CTH: variants seen among roughly 807,000 people sequenced by gnomAD.
CTH encodes the protein cystathionase (cystathionine gamma-lyase).
In CTH, 41 loss-of-function variants were observed where a neutral mutation model predicts 50.6. The ratio of observed to expected loss-of-function variants is 0.81; its 90% CI spans 0.63 to 1.05. The LOEUF (loss-of-function observed/expected upper bound fraction) is 1.05, where lower values mean the gene tolerates loss of function less well. CTH is among the 50% of genes least tolerant of loss of function. The pLI, the probability that CTH is intolerant of heterozygous loss-of-function variation, is 0.00. For missense variants in CTH, 470 were observed against 492.6 expected (o/e 0.95, Z 0.43); for synonymous variants, 156 against 168.9 (o/e 0.92, Z 0.59).
Position 70,411,312 on chromosome 1 carries a change from C to A in CTH, c.-104C>A. 1.7e-6 allele frequency: 2 copies of A among 1,187,824 alleles called. No individual in the cohort carries two copies. Among genetic ancestry groups the A allele is most frequent in the Non-Finnish European group, 2.5e-6 (2 of 791,568 alleles). The allele number at this position is 1,187,824 out of a possible 1,614,324, so 73.6% of individuals were successfully genotyped here. A position where few individuals can be genotyped will look rare whatever the true frequency, so the allele number is the denominator to read the frequency against. On this transcript the variant is annotated 5_prime_UTR_variant, in exon 1 of 12. Coordinates refer to ENST00000370938, the MANE Select transcript of CTH (RefSeq NM_001902.6). ...CGTCGGCTCTACCTGCGTGCTTTAG[C>A]TCCTTCTCGCCTGATCCTTCTGTCT...
Position 70,424,366 on chromosome 1 carries a change from G to A in CTH, c.538G>A (p.Gly180Arg), listed in dbSNP as rs1193481261. 6.2e-7 allele frequency: 1 copy of A among 1,614,082 alleles called. No individual in the cohort carries two copies. The highest frequency in any genetic ancestry group is 2.2e-5 in the East Asian group (1 of 44,866). The change falls in exon 5 of 12, where the codon GGA (glycine) becomes AGA (arginine). Residue 180 changes from glycine to arginine, a missense_variant. Transcript: ENST00000370938. ...CTGTGCACATATTGTCCATAAGCAT[G>A]GAGACATTATTTTGGTCGTGGATAA... ...EGCAHIVHKH[G>R]DIILVVDNTF...
intron 10 of CTH, among the ~76,000 whole-genome samples, chr1:70,437,219 A>G (rs962154671): frequency 2.0e-5 from 3 of 152,162 alleles, no homozygotes; most frequent in African/African-American, 7.2e-5. Context: ...GAACATGGGG[A>G]AAAAAATCCC....
In CTH at chr1:70,433,947, A is replaced by C; in HGVS notation, c.997A>C (p.Lys333Gln). 6.2e-7 allele frequency: 1 copy of C among 1,613,814 alleles called. No homozygotes were observed. Among genetic ancestry groups the C allele is most frequent in the South Asian group, 1.1e-5 (1 of 91,072 alleles). ...TGCTGAGATTTTCCTCAAGAACCTA[A>C]AGGTAAACTTACAAAATAGGTTTAA... is the stretch of plus-strand genomic sequence containing the variant. ...QHAEIFLKNL[K>Q]LFTLAESLGG... Residue 333 changes from lysine (K) to glutamine (Q), a missense_variant and splice_region_variant, in exon 9 of 12, where the codon AAG becomes CAG. Coordinates refer to ENST00000370938, the MANE Select transcript of CTH (RefSeq NM_001902.6).
chr1:70,432,197 T>C lies in CTH; in HGVS notation c.839T>C (p.Leu280Pro). ...AACGGAATGGCAGTTGCCCAGTTCCTGGAATCTAATCCTTGGGTAGAAAAG... is the reference window on the plus strand; with the variant it reads ...AACGGAATGGCAGTTGCCCAGTTCCCGGAATCTAATCCTTGGGTAGAAAAG... ...FKNGMAVAQF[L>P]ESNPWVEKVI... The change falls in exon 8 of 12, where the codon CTG (leucine) becomes CCG (proline). Residue 280 changes from leucine (L) to proline (P), a missense_variant. Physicochemically the swap from Leu to Pro is moderately conservative, Grantham distance 98 (BLOSUM62 -3). Coordinates refer to ENST00000370938, the MANE Select transcript of CTH (RefSeq NM_001902.6). 1.2e-6 allele frequency: 2 copies of C among 1,614,232 alleles called. No individual in the cohort carries two copies. Among genetic ancestry groups the C allele is most frequent in the Non-Finnish European group, 1.7e-6 (2 of 1,180,032 alleles).
At chr1:70,423,385 C>T (rs554065750) in intron 4 of CTH, among the ~76,000 whole-genome samples, 1 of 151,138 alleles carries the variant, frequency 6.6e-6, no homozygotes, top group African/African-American at 2.4e-5. Context: ...TATAGCGAGA[C>T]CCTTTCTCTG....
chr1:70,424,946 G>A (rs558628454), intron 5 of CTH, among the ~76,000 whole-genome samples: 47 of 152,010 alleles, frequency 3.1e-4, no homozygotes, highest in African/African-American at 9.9e-4. Flanking sequence ...AAAAGCTTAC[G>A]AGTTCTCTTA....
Position 70,429,845 on chromosome 1 carries a change from A to G in CTH, c.640A>G (p.Met214Val), listed in dbSNP as rs761095023. 6 of 1,610,850 alleles carry G rather than the reference A, an allele frequency of 3.7e-6. No homozygotes were observed. Among genetic ancestry groups the G allele is most frequent in the South Asian group, 1.1e-5 (1 of 91,014 alleles). Residue 214 changes from methionine to valine, a missense_variant, in exon 6 of 12, where the codon ATG becomes GTG. Transcript: ENST00000370938. The stretch of plus-strand genomic sequence containing the variant: ...TTCTATGTATTCTGCAACAAAATAC[A>G]TGAATGGTAAGATGCATACTTTGAA... ...DISMYSATKY[M>V]NGHSDVVMGL...
At position 70,421,594 on chromosome 1, in the gene CTH, A is replaced by G; in HGVS notation, c.375A>G (p.Ala125=). The part of the protein sequence containing the change: ...GGTNRYFRQV[A]SEFGLKISFV... ...CAAACAGGTACTTCAGGCAAGTGGC[A>G]TCTGAATTTGGATTAAAGATTTCTT... is the stretch of plus-strand genomic sequence containing the variant. The change falls in exon 4 of 12, where the codon GCA becomes GCG. Residue 125 remains alanine (A), a synonymous_variant. Transcript: ENST00000370938. 1 of 1,613,958 alleles carries G rather than the reference A, an allele frequency of 6.2e-7. No homozygotes were observed. The highest frequency in any genetic ancestry group is 8.5e-7 in the Non-Finnish European group (1 of 1,179,916).
chr1:70,437,515 T>A (rs1684622757), intron 10 of CTH, among the ~76,000 whole-genome samples: 3 of 152,156 alleles, frequency 2.0e-5, no homozygotes, highest in Non-Finnish European at 4.4e-5. Context: ...AAATAGGCAC[T>A]GAGGATGAGT....
intron 5 of CTH, among the ~76,000 whole-genome samples, chr1:70,427,134 T>C (rs373956870): frequency 5.0e-4 from 76 of 152,314 alleles, no homozygotes; most frequent in African/African-American, 1.6e-3. Context: ...ATCTTCTCAT[T>C]GTCTTACCTT....
chr1:70,425,896 C>T (rs1373731363), intron 5 of CTH, among the ~76,000 whole-genome samples: 2 of 152,136 alleles, frequency 1.3e-5, no homozygotes, highest in Non-Finnish European at 2.9e-5. Context: ...TACAACTCAA[C>T]ATGAGATTTG....
intron 3 of CTH, among the ~76,000 whole-genome samples, chr1:70,418,525 C>T (rs558999888): frequency 2.0e-5 from 3 of 152,314 alleles, no homozygotes; most frequent in South Asian, 2.1e-4. Context: ...TTTGGAATTA[C>T]GGGCGCGAGC....
rs772726812 is a variant in CTH at position 70,415,971 on chromosome 1, C to T, written c.184C>T (p.Arg62Cys). 8.7e-6 allele frequency: 14 copies of T among 1,607,470 alleles called. No homozygotes were observed. Among genetic ancestry groups the T allele is most frequent in the Middle Eastern group, 1.6e-4 (1 of 6,066 alleles). ...TTTTTTTCAGGGTTTTGAATATAGC[C>T]GTTCTGGAAATCCCACTAGGAATTG... ...PGQHSGFEYS[R>C]SGNPTRNCLE... Residue 62 changes from arginine to cysteine, a missense_variant, in exon 2 of 12, where the codon CGT (arginine) becomes TGT (cysteine). By Grantham distance (180) the Arg-to-Cys change is radical (BLOSUM62 -3). Transcript: ENST00000370938.
At chr1:70,437,883 C>T (rs1054314680) in intron 10 of CTH, among the ~76,000 whole-genome samples, 2 of 152,154 alleles carry the variant, frequency 1.3e-5, no homozygotes, top group African/African-American at 4.8e-5. Flanking sequence ...ACCTCTCCTC[C>T]ATTATTCTTC....
At chr1:70,417,433 T>G (rs1293366769) in intron 2 of CTH, among the ~76,000 whole-genome samples, 17 of 151,988 alleles carry the variant, frequency 1.1e-4, no homozygotes. Flanking sequence ...TACAGGCATG[T>G]GCCACCATGC....
At chr1:70,428,800 A>C (rs1487566336) in intron 5 of CTH, among the ~76,000 whole-genome samples, 1 of 151,936 alleles carries the variant, frequency 6.6e-6, no homozygotes. Context: ...TTTAGTAGAG[A>C]TAGGGTTTCA....
intron 3 of CTH, among the ~76,000 whole-genome samples, chr1:70,418,292 C>T (rs777175670): frequency 4.6e-5 from 7 of 152,102 alleles, no homozygotes; most frequent in East Asian, 3.8e-4. Flanking sequence ...CTCTGTCACC[C>T]GGGTTGGAGT....
chr1:70,431,440 A>G (rs943634823), intron 7 of CTH, among the ~76,000 whole-genome samples: 2 of 152,178 alleles, frequency 1.3e-5, no homozygotes, highest in African/African-American at 2.4e-5. Flanking sequence ...ACATTTTTCA[A>G]TAGATGTCTA....
Position 70,430,355 on chromosome 1 carries a change from T to A in CTH, c.685T>A (p.Cys229Ser), listed in dbSNP as rs145785987. Residue 229 changes from cysteine (C) to serine (S), a missense_variant, in exon 7 of 12, where the codon TGT (cysteine) becomes AGT (serine). Cys to Ser is a moderately radical substitution (Grantham distance 112). Coordinates refer to ENST00000370938, the MANE Select transcript of CTH (RefSeq NM_001902.6). ...DVVMGLVSVNCESLHNRLRFL... is the reference protein window; with the variant it reads ...DVVMGLVSVNSESLHNRLRFL... ...TGTAATGGGCCTGGTGTCTGTTAAT[T>A]GTGAAAGCCTTCATAATAGACTTCG... 6.2e-7 allele frequency: 1 copy of A among 1,603,696 alleles called. No homozygotes were observed. Among genetic ancestry groups the A allele is most frequent in the Non-Finnish European group, 8.5e-7 (1 of 1,170,674 alleles).
Sources: gnomAD v4.1 joint callset for allele counts (sites outside exome capture counted in the v4.1 genomes callset) on GRCh38, gnomAD v4.1.1 for gene constraint, MANE v1.5 for transcripts, NCBI Gene and HGNC (gene_info 2026-07-23, HGNC 2026-07-21) for gene names.